The following RNF43 variants were observed in gnomAD, a reference collection of about 807,000 sequenced individuals.
RNF43 encodes the protein ring finger protein 43.
RNF43 carries 37 observed loss-of-function variants against 78.4 expected under a neutral mutation model. The ratio of observed to expected loss-of-function variants is 0.47; its 90% CI spans 0.36 to 0.62. The LOEUF (loss-of-function observed/expected upper bound fraction) is 0.62. Among genes scored for constraint, RNF43 ranks in the 20% least tolerant of loss-of-function variants. The pLI is 0.00. For synonymous variants in RNF43, 347 were observed against 395.0 expected (o/e 0.88, Z 1.44); for missense variants, 774 against 1,007.9 (o/e 0.77, Z 3.14).
Position 58,358,681 on chromosome 17 carries a change from T to C in RNF43, c.1095A>G (p.Ala365=), listed in dbSNP as rs145642181. ...AAYLLGPSRS[A]VARPPRPGPF... ...GACCAGGTCGTGGGGGCCGAGCCACTGCACTCCGGGAAGGGCCCAACAGGT... is the reference window on the plus strand; with the variant it reads ...GACCAGGTCGTGGGGGCCGAGCCACCGCACTCCGGGAAGGGCCCAACAGGT... Residue 365 remains alanine, a synonymous_variant, in exon 9 of 10, where the codon GCA becomes GCG. Transcript: ENST00000407977. This position sits in a 1 kb window ranked among gnomAD's most constrained non-coding sequence, Gnocchi z 6.2. The C allele has an allele frequency of 2.0e-6, 3 of 1,530,910 alleles. No individual in the cohort carries two copies. Among genetic ancestry groups the C allele is most frequent in the East Asian group, 2.4e-5 (1 of 41,780 alleles). 94.8% of individuals were successfully genotyped at this position (1,530,910 alleles called of 1,614,324 possible).
chr17:58,367,144 G>A (rs889677778), intron 3 of RNF43, among the ~76,000 whole-genome samples: 2 of 152,056 alleles, frequency 1.3e-5, no homozygotes, highest in African/African-American at 4.8e-5. Flanking sequence ...GGGACTACAG[G>A]TGCGTGCCAC....
At position 58,370,901 on chromosome 17, in the gene RNF43, G is replaced by C. The variant is rs2143513398; in HGVS notation, c.375+10C>G. The C allele has an allele frequency of 1.9e-6, 3 of 1,588,324 alleles. No individual in the cohort carries two copies. The highest frequency in any genetic ancestry group is 2.6e-6 in the Non-Finnish European group (3 of 1,166,166). Reference sequence around the variant, plus strand: ...GCTCCGGGTGTGTGTAGGGCGAAGTGTGAGTCTACCTTGCTAGCCAGTGAC... The same window carrying C: ...GCTCCGGGTGTGTGTAGGGCGAAGTCTGAGTCTACCTTGCTAGCCAGTGAC... On this transcript the variant is annotated intron_variant, in intron 3 of 9. Transcript: ENST00000407977.
At position 58,357,536 on chromosome 17, in the gene RNF43, C is replaced by T. The variant is rs2143385620; in HGVS notation, c.2240G>A (p.Trp747Ter). ...CCTGCCCTCTGCGGTGTCAGAACTC[C>T]ATTCAGAAGGCCCCTCCCCAGGTGG... is the stretch of plus-strand genomic sequence containing the variant. ...PHPPGEGPSE[W>*]SSDTAEGRPC... The change falls in exon 9 of 10, where the codon TGG becomes TAG. Residue 747 changes from tryptophan to a stop codon, truncating the protein, a stop_gained. Transcript: ENST00000407977. LOFTEE classifies it high-confidence loss of function. The surrounding 1 kb of genome is among the most constrained non-coding windows in gnomAD (Gnocchi z 4.5). The T allele has an allele frequency of 6.2e-7, 1 of 1,614,218 alleles. No individual in the cohort carries two copies. Among genetic ancestry groups the T allele is most frequent in the Non-Finnish European group, 8.5e-7 (1 of 1,180,042 alleles).
chr17:58,362,741 A>G (rs1781277146), intron 5 of RNF43, 93 bp from the exon 6 acceptor site: 2 of 936,276 alleles, frequency 2.1e-6, no homozygotes. Flanking sequence ...GCACATAGCT[A>G]ACTGGAGGTT....
intron 8 of RNF43, among the ~76,000 whole-genome samples, chr17:58,359,607 A>T (rs1476509649): frequency 4.7e-5 from 7 of 148,920 alleles, no homozygotes; most frequent in East Asian, 2.0e-4. Flanking sequence ...CCAACTCAAA[A>T]AATAATAATA....
chr17:58,403,734 C>A (rs1973851876), intron 2 of RNF43, among the ~76,000 whole-genome samples: 1 of 152,198 alleles, frequency 6.6e-6, no homozygotes, highest in African/African-American at 2.4e-5. Context: ...CAGATGCTTA[C>A]ATACTAGAGC....
At chr17:58,407,440 G>C (rs1478486223) in intron 2 of RNF43, among the ~76,000 whole-genome samples, 3 of 151,882 alleles carry the variant, frequency 2.0e-5, no homozygotes, top group Non-Finnish European at 4.4e-5. Flanking sequence ...TAATGCACCA[G>C]GCCTTTGTGC....
chr17:58,409,717 T>C (rs1317086710), intron 2 of RNF43, among the ~76,000 whole-genome samples: 1 of 152,022 alleles, frequency 6.6e-6, no homozygotes, highest in Admixed American at 6.6e-5. Context: ...AAACCCTGTC[T>C]CTACAAAAAA....
Position 58,371,052 on chromosome 17 carries a change from T to C in RNF43, c.253-19A>G. ...GGTGGGACTGCAGAGAGAGACAGAC[T>C]TGGGTTAGGGAGGCTTTAGGCAGCA... On this transcript the variant is annotated intron_variant, in intron 2 of 9. Coordinates refer to ENST00000407977, the MANE Select transcript of RNF43 (RefSeq NM_017763.6). The C allele has an allele frequency of 6.4e-7, 1 of 1,553,814 alleles. No individual in the cohort carries two copies. The highest frequency in any genetic ancestry group is 1.2e-5 in the South Asian group (1 of 81,738).
At chr17:58,375,757 T>C (rs1469022892) in intron 2 of RNF43, among the ~76,000 whole-genome samples, 1 of 152,208 alleles carries the variant, frequency 6.6e-6, no homozygotes, top group Non-Finnish European at 1.5e-5. Context: ...GATTTGAGTT[T>C]TGTTTTTTGC....
chr17:58,356,114 G>A (rs1367248624), intron 9 of RNF43, among the ~76,000 whole-genome samples: 1 of 152,198 alleles, frequency 6.6e-6, no homozygotes, highest in East Asian at 1.9e-4. Flanking sequence ...CATAGCCAAA[G>A]CTTGCAGTAC....
chr17:58,406,047 G>A (rs1057315021), intron 2 of RNF43, among the ~76,000 whole-genome samples: 33 of 152,176 alleles, frequency 2.2e-4, no homozygotes, highest in African/African-American at 7.2e-4. Flanking sequence ...GAAGATCCAG[G>A]ACTACAGACC....
chr17:58,358,531 G>T lies in RNF43; in HGVS notation c.1245C>A (p.Gly415=), dbSNP rs772851412. 1 of 1,613,294 alleles carries T rather than the reference G, an allele frequency of 6.2e-7. No homozygotes were observed. The highest frequency in any genetic ancestry group is 8.5e-7 in the Non-Finnish European group (1 of 1,179,606). The stretch of plus-strand genomic sequence containing the variant: ...TGGATTGGAGGTGGCTCAGTCCCCA[G>T]CCTTGTGCATAGGGGTGCTGGGCTC... ...LAGAQHPYAQ[G]WGLSHLQSTS... Residue 415 remains glycine (G), a synonymous_variant, in exon 9 of 10, where the codon GGC becomes GGA. Transcript: ENST00000407977. The surrounding 1 kb of genome is among the most constrained non-coding windows in gnomAD (Gnocchi z 6.2).
intron 2 of RNF43, among the ~76,000 whole-genome samples, chr17:58,413,643 GAAC>G (rs1974066947): frequency 6.6e-6 from 1 of 152,090 alleles, no homozygotes; most frequent in African/African-American, 2.4e-5. Context: ...AAAAACGATA[GAAC>G]AATAGAAGAC....
intron 2 of RNF43, among the ~76,000 whole-genome samples, chr17:58,384,726 A>G (rs1973396154): frequency 6.6e-6 from 1 of 152,220 alleles, no homozygotes; most frequent in Admixed American, 6.5e-5. Flanking sequence ...ACAGAGTAAA[A>G]GGGCAGAAGC....
At chr17:58,412,480 G>T (rs914804790) in intron 2 of RNF43, among the ~76,000 whole-genome samples, 26 of 151,900 alleles carry the variant, frequency 1.7e-4, no homozygotes, top group Admixed American at 1.6e-3. Context: ...ATTACTATTG[G>T]CAAGGAGAAA....
intron 2 of RNF43, chr17:58,394,999 G>T (rs1973645669): frequency 6.6e-6 from 1 of 152,226 alleles, no homozygotes; most frequent in Admixed American, 6.5e-5. Context: ...AGTGGCACAT[G>T]GTGCTGTGCA....
chr17:58,383,865 G>A (rs987230529), intron 2 of RNF43, among the ~76,000 whole-genome samples: 2 of 152,076 alleles, frequency 1.3e-5, no homozygotes, highest in East Asian at 1.9e-4. Flanking sequence ...TGATCTACCC[G>A]ACTTGACCTC....
chr17:58,415,318 A>T lies in RNF43; in HGVS notation c.252+8T>A, dbSNP rs2143693884. On this transcript the variant is annotated splice_region_variant and intron_variant, in intron 2 of 9. Coordinates refer to ENST00000407977, the MANE Select transcript of RNF43 (RefSeq NM_017763.6). ...ATGGAAAGTGAAATATAATAAAGTTATACTTGCCTGCATTAATTTTCCTTC... is the reference window on the plus strand; with the variant it reads ...ATGGAAAGTGAAATATAATAAAGTTTTACTTGCCTGCATTAATTTTCCTTC... 2 of 1,614,094 alleles carry T rather than the reference A, an allele frequency of 1.2e-6. No individual in the cohort carries two copies. Among genetic ancestry groups the T allele is most frequent in the Non-Finnish European group, 1.7e-6 (2 of 1,179,898 alleles).
Sources: gnomAD v4.1 joint callset for allele counts (sites outside exome capture counted in the v4.1 genomes callset) on GRCh38, gnomAD v4.1.1 for gene constraint, Gnocchi (gnomAD v3.1) non-coding constraint, MANE v1.5 for transcripts, NCBI Gene and HGNC (gene_info 2026-07-23, HGNC 2026-07-21) for gene names.